Variants in TRAF3IP1 observed in about 807,000 individuals in gnomAD.
TRAF3IP1 encodes TRAF3-interacting protein 1.
A neutral mutation model predicts 89.9 loss-of-function variants in TRAF3IP1; 53 were observed. The observed-to-expected ratio is 0.59, with a 90% confidence interval of 0.47 to 0.74. TRAF3IP1 has a LOEUF of 0.74. TRAF3IP1 is among the 30% of genes least tolerant of loss of function. The probability of loss-of-function intolerance (pLI) is 0.00; values close to 1 mark genes in which losing one functional copy is unlikely to be tolerated. For missense variants in TRAF3IP1, 806 were observed against 866.1 expected (o/e 0.93, Z 0.87); for synonymous variants, 311 against 322.1 (o/e 0.97, Z 0.37).
intron 15 of TRAF3IP1, among the ~76,000 whole-genome samples, chr2:238,358,983 G>T (rs564469691): frequency 1.9e-4 from 29 of 152,322 alleles, no homozygotes; most frequent in African/African-American, 6.3e-4. Flanking sequence ...ATGGTCTCTT[G>T]CAACTATTGA....
At chr2:238,393,595 T>TAAA (rs1411731372) in intron 15 of TRAF3IP1, among the ~76,000 whole-genome samples, 17 of 152,368 alleles carry the variant, frequency 1.1e-4, no homozygotes, top group African/African-American at 4.1e-4. Context: ...CAAAGACTTT[T>TAAA]TCCTCCTGTG....
Position 238,320,552 on chromosome 2 carries a change from G to A in TRAF3IP1, c.-111G>A. 6 of 1,032,360 alleles carry A rather than the reference G, an allele frequency of 5.8e-6. No individual in the cohort carries two copies. Among genetic ancestry groups the A allele is most frequent in the Non-Finnish European group, 7.0e-6 (6 of 861,960 alleles). The allele number at this position is 1,032,360 out of a possible 1,614,324, so 63.9% of individuals were successfully genotyped here. On this transcript the variant is annotated 5_prime_UTR_variant, in exon 1 of 17. Coordinates refer to ENST00000373327, the MANE Select transcript of TRAF3IP1 (RefSeq NM_015650.4). ...GATGGAAACCGGAGCGGCGCGTCCTGGCAGGACCGGGCGGCGGCGGCGGCG... is the reference window on the plus strand; with the variant it reads ...GATGGAAACCGGAGCGGCGCGTCCTAGCAGGACCGGGCGGCGGCGGCGGCG...
At chr2:238,326,085 C>T in intron 3 of TRAF3IP1, 115 bp downstream of exon 3, 1 of 984,140 alleles carries the variant, frequency 1.0e-6, no homozygotes, top group Non-Finnish European at 1.5e-6. Flanking sequence ...TGGTGTCTGT[C>T]AAACACTGTG....
In TRAF3IP1 at chr2:238,349,372, A is replaced by T; in HGVS notation, c.1415A>T (p.Lys472Ile). The change falls in exon 12 of 17, where the codon AAA becomes ATA. Residue 472 changes from lysine to isoleucine, a missense_variant. Coordinates refer to ENST00000373327, the MANE Select transcript of TRAF3IP1 (RefSeq NM_015650.4). ...GSARPAPPRV[K>I]RQDSMEALQM... ...GCAAGACCAGCCCCTCCCCGGGTCA[A>T]ACGGCAAGACAGCATGGAGGCGCTA... The T allele has an allele frequency of 6.2e-7, 1 of 1,614,218 alleles. No homozygotes were observed.
At chr2:238,331,205 A>G (rs941894459) in intron 5 of TRAF3IP1, among the ~76,000 whole-genome samples, 2 of 151,796 alleles carry the variant, frequency 1.3e-5, no homozygotes, top group Admixed American at 6.6e-5. Context: ...TCACGCTTGT[A>G]ATCCCAGCAC....
At chr2:238,388,836 G>A (rs545333420) in intron 15 of TRAF3IP1, among the ~76,000 whole-genome samples, 8 of 151,858 alleles carry the variant, frequency 5.3e-5, no homozygotes, top group Admixed American at 1.3e-4. Flanking sequence ...GTTTCACCAC[G>A]TTGTCCAGGC....
At chr2:238,361,060 T>C (rs1329058452) in intron 15 of TRAF3IP1, among the ~76,000 whole-genome samples, 1 of 151,846 alleles carries the variant, frequency 6.6e-6, no homozygotes, top group African/African-American at 2.4e-5. Context: ...TTTTTTTTTT[T>C]TTTGAAACAG....
Position 238,400,518 on chromosome 2 carries a change from AT to A in TRAF3IP1, c.*1601del, listed in dbSNP as rs1701418697. On this transcript the variant is annotated 3_prime_UTR_variant, in exon 17 of 17. Transcript: ENST00000373327. ...CTGAGCTGAATAAGTTCAGGAGCAGATTATTAAGATCTGCCATTCTGAAACG... is the reference window on the plus strand; with the variant it reads ...CTGAGCTGAATAAGTTCAGGAGCAGATATTAAGATCTGCCATTCTGAAACG... The A allele has an allele frequency of 6.6e-6, 1 of 152,240 alleles. No homozygotes were observed. Among genetic ancestry groups the A allele is most frequent in the African/African-American group, 2.4e-5 (1 of 41,452 alleles). 9.4% of individuals were successfully genotyped at this position (152,240 alleles called of 1,614,324 possible).
chr2:238,332,247 C>T (rs1403477431), intron 5 of TRAF3IP1, among the ~76,000 whole-genome samples: 1 of 152,194 alleles, frequency 6.6e-6, no homozygotes, highest in Non-Finnish European at 1.5e-5. Context: ...CATTCTACTC[C>T]TTCTACTCTG....
rs1699982707 is a variant in TRAF3IP1 at position 238,368,652 on chromosome 2, AT to A, written c.1689+12575del. On this transcript the variant is annotated intron_variant, in intron 15 of 16. Coordinates refer to ENST00000373327, the MANE Select transcript of TRAF3IP1 (RefSeq NM_015650.4). ...AAAAATGAAAATAAAGTAGAAATAC[AT>A]TTATTTTAGATATTGTTATTAATAA... 2.0e-5 allele frequency among the ~76,000 whole-genome samples: 3 copies of A among 152,126 alleles called. No individual in the cohort carries two copies. In the South Asian group the frequency reaches 6.2e-4, roughly 32 times the overall value.
chr2:238,349,499 C>A, intron 12 of TRAF3IP1, 91 bp downstream of exon 12: 1 of 1,319,254 alleles, frequency 7.6e-7, no homozygotes, highest in Non-Finnish European at 1.1e-6. Flanking sequence ...AGGGAAGCAG[C>A]ACATGGTGCT....
chr2:238,325,907 G>A lies in TRAF3IP1; in HGVS notation c.291G>A (p.Ala97=), dbSNP rs377279034. ...PLLAKPARIV[A]GHEPERTNEL... ...TGGCCAAACCAGCCCGAATCGTGGCGGGGCATGAGCCTGAAAGAACAAACG... is the reference window on the plus strand; with the variant it reads ...TGGCCAAACCAGCCCGAATCGTGGCAGGGCATGAGCCTGAAAGAACAAACG... The change falls in exon 3 of 17, where the codon GCG becomes GCA. Residue 97 remains alanine, a synonymous_variant. Coordinates refer to ENST00000373327, the MANE Select transcript of TRAF3IP1 (RefSeq NM_015650.4). 59 of 1,614,184 alleles carry A rather than the reference G, an allele frequency of 3.7e-5. No individual in the cohort carries two copies. In the East Asian group the frequency reaches 5.6e-4, roughly 15 times the overall value.
rs112820560 is a variant in TRAF3IP1 at position 238,322,328 on chromosome 2, C to T, written c.123+1543C>T. On this transcript the variant is annotated intron_variant, in intron 1 of 16. Transcript: ENST00000373327. ...CCTTATCCTTGTGGGGCAGTGATGG[C>T]GCTCAGCTCACGGTGGCTGTCCAGT... Among the ~76,000 whole-genome samples, 748 of 152,302 alleles carry T rather than the reference C, an allele frequency of 4.9e-3. 9 individuals are homozygous for T. The highest frequency in any genetic ancestry group is 0.017 in the African/African-American group (716 of 41,562).
rs1445253921 is a variant in TRAF3IP1 at position 238,329,042 on chromosome 2, G to A, written c.615G>A (p.Lys205=). The part of the protein sequence containing the change: ...REKDKDKEKA[K]ENGGNRHREG... ...AGGACAAGGACAAGGAGAAGGCCAA[G>A]GAGAATGGCGGAAACAGACACAGAG... is the stretch of plus-strand genomic sequence containing the variant. Residue 205 remains lysine (K), a synonymous_variant, in exon 5 of 17, where the codon AAG becomes AAA. Coordinates refer to ENST00000373327, the MANE Select transcript of TRAF3IP1 (RefSeq NM_015650.4). 3.2e-6 allele frequency: 5 copies of A among 1,551,694 alleles called. No individual in the cohort carries two copies. Among genetic ancestry groups the A allele is most frequent in the Middle Eastern group, 3.3e-4 (2 of 5,994 alleles).
intron 15 of TRAF3IP1, among the ~76,000 whole-genome samples, chr2:238,370,544 C>T (rs1008693072): frequency 9.2e-5 from 14 of 152,158 alleles, no homozygotes; most frequent in Non-Finnish European, 1.5e-4. Context: ...TGCTGGGCTC[C>T]TGCCTCCATT....
In TRAF3IP1 at chr2:238,400,665, T is replaced by C. The variant is rs1701424455; in HGVS notation, c.*1746T>C. 1 of 152,190 alleles carries C rather than the reference T, an allele frequency of 6.6e-6. No individual in the cohort carries two copies. Among genetic ancestry groups the C allele is most frequent in the South Asian group, 2.1e-4 (1 of 4,826 alleles). The allele number at this position is 152,190 out of a possible 1,614,324, so 9.4% of individuals were successfully genotyped here. A position where few individuals can be genotyped will look rare whatever the true frequency, so the allele number is the denominator to read the frequency against. On this transcript the variant is annotated 3_prime_UTR_variant, in exon 17 of 17. Coordinates refer to ENST00000373327, the MANE Select transcript of TRAF3IP1 (RefSeq NM_015650.4). ...TAGCCCTTCATGTATTTATAATCTC[T>C]TTTCTACTGAATCAAATGACTTAGC...
chr2:238,357,150 T>C (rs916675379), intron 15 of TRAF3IP1, among the ~76,000 whole-genome samples: 1 of 149,570 alleles, frequency 6.7e-6, no homozygotes, highest in African/African-American at 2.6e-5. Flanking sequence ...CCCTCACACA[T>C]GTGTGATGTG....
intron 15 of TRAF3IP1, among the ~76,000 whole-genome samples, chr2:238,391,988 T>C (rs1701011643): frequency 6.6e-6 from 1 of 152,228 alleles, no homozygotes; most frequent in African/African-American, 2.4e-5. Flanking sequence ...TTCATTTCAG[T>C]CATTTAGCGT....
At chr2:238,387,821 C>T (rs1248910690) in intron 15 of TRAF3IP1, among the ~76,000 whole-genome samples, 1 of 152,182 alleles carries the variant, frequency 6.6e-6, no homozygotes, top group Non-Finnish European at 1.5e-5. Flanking sequence ...TGGCTCATGC[C>T]TGTAATCCCA....
Sources: gnomAD v4.1 joint callset for allele counts (sites outside exome capture counted in the v4.1 genomes callset) on GRCh38, gnomAD v4.1.1 for gene constraint, MANE v1.5 for transcripts, NCBI Gene and HGNC (gene_info 2026-07-23, HGNC 2026-07-21) for gene names.